Variants in DCAF8L2 observed in about 807,000 individuals in gnomAD.
DCAF8L2 encodes the protein DDB1- and CUL4-associated factor 8-like protein 2.
For missense variants in DCAF8L2, 430 were observed against 490.7 expected (o/e 0.88, Z 1.17); for synonymous variants, 200 against 190.9 (o/e 1.05, Z -0.39).
the DCAF8L2 span, among the ~76,000 whole-genome samples, chrX:27,566,864 A>G: frequency 4.5e-5 from 5 of 110,445 alleles, no homozygotes; most frequent in Admixed American, 1.9e-4. Flanking sequence ...GTTTATTGCT[A>G]TAAACTTCCC....
chrX:27,612,576 T>C (rs1300990732), intron 1 of DCAF8L2, among the ~76,000 whole-genome samples: 1 of 112,294 alleles, frequency 8.9e-6, no homozygotes, highest in Non-Finnish European at 1.9e-5. Flanking sequence ...TCTATGGTTT[T>C]AGGTCTAACA....
chrX:27,514,882 G>A, the DCAF8L2 span, among the ~76,000 whole-genome samples: 1 of 110,435 alleles, frequency 9.1e-6, no homozygotes, highest in Non-Finnish European at 1.9e-5. Context: ...TAGAGGCTGA[G>A]GAGGGTAGAA....
At chrX:27,630,219 A>C (rs1397965506) in intron 1 of DCAF8L2, among the ~76,000 whole-genome samples, 2 of 111,764 alleles carry the variant, frequency 1.8e-5, no homozygotes, top group Non-Finnish European at 3.8e-5. Flanking sequence ...GGTTTTCTGT[A>C]TATAGGATCA....
the DCAF8L2 span, among the ~76,000 whole-genome samples, chrX:27,548,057 C>T: frequency 0.02 from 2,248 of 109,918 alleles, 48 homozygotes; most frequent in African/African-American, 0.068. Flanking sequence ...AACCCAGTCT[C>T]AGGTATGTCT....
At chrX:27,523,577 C>T in the DCAF8L2 span, among the ~76,000 whole-genome samples, 16 of 110,024 alleles carry the variant, frequency 1.5e-4, no homozygotes, top group African/African-American at 5.3e-4. Flanking sequence ...AATTTCCCAT[C>T]ATAGATATAT....
At chrX:27,594,061 T>C (rs932469950) in intron 1 of DCAF8L2, among the ~76,000 whole-genome samples, 1 of 111,837 alleles carries the variant, frequency 8.9e-6, no homozygotes, top group Non-Finnish European at 1.9e-5. Context: ...TTGTCAAAGG[T>C]CAGAAGGGAA....
intron 3 of DCAF8L2, among the ~76,000 whole-genome samples, chrX:27,700,922 T>C (rs1931106420): frequency 9.0e-6 from 1 of 110,769 alleles, no homozygotes; most frequent in South Asian, 3.8e-4. Flanking sequence ...GAAATTAGAG[T>C]CCACAGATTA....
chrX:27,498,706 T>C, the DCAF8L2 span, among the ~76,000 whole-genome samples: 1 of 112,266 alleles, frequency 8.9e-6, no homozygotes, highest in Non-Finnish European at 1.9e-5. Flanking sequence ...GACCAACATC[T>C]ACTCATTTCC....
chrX:27,705,703 A>G (rs1931320079), intron 3 of DCAF8L2, among the ~76,000 whole-genome samples: 1 of 111,817 alleles, frequency 8.9e-6, no homozygotes, highest in Admixed American at 9.5e-5. Flanking sequence ...TATCAAATGC[A>G]TAGTTTGCAA....
intron 3 of DCAF8L2, among the ~76,000 whole-genome samples, chrX:27,681,582 A>C (rs1171933026): frequency 8.9e-6 from 1 of 112,256 alleles, no homozygotes; most frequent in Non-Finnish European, 1.9e-5. Flanking sequence ...TTGTTACATA[A>C]AATATATCAG....
chrX:27,575,850 G>A, the DCAF8L2 span, among the ~76,000 whole-genome samples: 27 of 112,118 alleles, frequency 2.4e-4, no homozygotes, highest in Non-Finnish European at 4.5e-4. Flanking sequence ...GTTGGTGGTG[G>A]TGAGTGGGAC....
At chrX:27,598,820 A>G (rs779637274) in intron 1 of DCAF8L2, among the ~76,000 whole-genome samples, 7 of 110,287 alleles carry the variant, frequency 6.3e-5, no homozygotes, top group African/African-American at 2.3e-4. Flanking sequence ...GGTAATTATT[A>G]ATAATTCCTG....
At chrX:27,704,363 T>G (rs1353597862) in intron 3 of DCAF8L2, among the ~76,000 whole-genome samples, 1 of 108,262 alleles carries the variant, frequency 9.2e-6, no homozygotes, top group African/African-American at 3.4e-5. Flanking sequence ...CTACCATTTG[T>G]GACAATATGT....
intron 3 of DCAF8L2, among the ~76,000 whole-genome samples, chrX:27,714,478 A>G (rs1204208549): frequency 9.0e-6 from 1 of 111,562 alleles, no homozygotes; most frequent in Admixed American, 9.5e-5. Context: ...TTTCTTTCCC[A>G]GCCATTTTTT....
the DCAF8L2 span, among the ~76,000 whole-genome samples, chrX:27,527,401 G>A: frequency 3.5e-4 from 39 of 111,446 alleles, no homozygotes; most frequent in African/African-American, 1.2e-3. Flanking sequence ...GGAGTGACCC[G>A]ATTTTCCAGG....
chrX:27,648,225 T>G (rs1009962391), intron 2 of DCAF8L2, among the ~76,000 whole-genome samples: 8 of 111,105 alleles, frequency 7.2e-5, no homozygotes, highest in African/African-American at 2.6e-4. Context: ...AAAATAAGTA[T>G]GTATAAGATG....
At chrX:27,693,284 GA>G (rs1374059485) in intron 3 of DCAF8L2, among the ~76,000 whole-genome samples, 5 of 110,765 alleles carry the variant, frequency 4.5e-5, no homozygotes, top group African/African-American at 1.6e-4. Flanking sequence ...TCTGAATCAG[GA>G]AATTTATAAA....
intron 4 of DCAF8L2, among the ~76,000 whole-genome samples, chrX:27,720,388 A>G: frequency 9.2e-6 from 1 of 109,113 alleles, no homozygotes; most frequent in African/African-American, 3.4e-5. Context: ...TTTTTTTGAG[A>G]CGGAGTCTCG....
intron 2 of DCAF8L2, among the ~76,000 whole-genome samples, chrX:27,659,138 A>G (rs1929463870): frequency 8.9e-6 from 1 of 111,844 alleles, no homozygotes; most frequent in Admixed American, 9.5e-5. Context: ...ACAGTGCAAG[A>G]GAATGAACTT....
Sources: gnomAD v4.1 joint callset for allele counts (sites outside exome capture counted in the v4.1 genomes callset) on GRCh38, gnomAD v4.1.1 for gene constraint, MANE v1.5 for transcripts, NCBI Gene and HGNC (gene_info 2026-07-23, HGNC 2026-07-21) for gene names.